Variants in EPHA4 observed in about 807,000 individuals in gnomAD.
The protein encoded by EPHA4 is EPH receptor A4.
EPHA4 carries 19 observed loss-of-function variants against 108.3 expected under a neutral mutation model. The observed-to-expected ratio is 0.18, with a 90% confidence interval of 0.12 to 0.26. The LOEUF is 0.26. Among genes scored for constraint, EPHA4 ranks in the 10% least tolerant of loss-of-function variants. The pLI is 1.00. For synonymous variants in EPHA4, 449 were observed against 455.5 expected (o/e 0.99, Z 0.18); for missense variants, 917 against 1,254.0 (o/e 0.73, Z 4.06).
intron 3 of EPHA4, among the ~76,000 whole-genome samples, chr2:221,516,592 T>G (rs1334213681): frequency 1.3e-5 from 2 of 152,162 alleles, no homozygotes; most frequent in Non-Finnish European, 2.9e-5. Context: ...TGACCTCAGG[T>G]GATCGGCCCG....
At chr2:221,546,874 T>C (rs1559288479) in intron 3 of EPHA4, among the ~76,000 whole-genome samples, 1 of 152,252 alleles carries the variant, frequency 6.6e-6, no homozygotes, top group African/African-American at 2.4e-5. Context: ...AAAATAATGC[T>C]GCCTCCTGTA....
chr2:221,527,105 C>T (rs759948551), intron 3 of EPHA4, among the ~76,000 whole-genome samples: 1 of 151,996 alleles, frequency 6.6e-6, no homozygotes, highest in African/African-American at 2.4e-5. Flanking sequence ...TCCTGGGCAA[C>T]AGAGTGAGAC....
rs567851622 is a variant in EPHA4 at position 221,540,806 on chromosome 2, A to G, written c.823+22925T>C. Among the ~76,000 whole-genome samples the G allele has an allele frequency of 9.9e-5, 15 of 152,260 alleles. No homozygotes were observed. In the South Asian group the frequency reaches 2.3e-3, roughly 23 times the overall value. On this transcript the variant is annotated intron_variant, in intron 3 of 17. Transcript: ENST00000281821. ...TTTATCTTTGACGGGAGAGCTGTAC[A>G]GGCTTGTCGAAACCTCACTGACATA...
At chr2:221,437,314 T>C in intron 11 of EPHA4, 192 bp from the exon 12 acceptor site, 1 of 494,402 alleles carries the variant, frequency 2.0e-6, no homozygotes, top group Non-Finnish European at 3.6e-6. Flanking sequence ...AGGTTTAAAT[T>C]CCATCTGGAT....
chr2:221,479,564 C>T (rs1197490709), intron 5 of EPHA4, among the ~76,000 whole-genome samples: 1 of 152,118 alleles, frequency 6.6e-6, no homozygotes, highest in Non-Finnish European at 1.5e-5. Flanking sequence ...ATGATAGGAG[C>T]AATTGCAATT....
Position 221,429,990 on chromosome 2 carries a change from G to A in EPHA4, c.2658C>T (p.Asn886=), listed in dbSNP as rs1002132191. The part of the protein sequence containing the change: ...NMLDKLIRNP[N]SLKRTGTESS... ...TCTCCGTCCCTGTCCTCTTCAAGCTGTTGGGGTTGCGGATGAGTTTGTCCA... is the reference window on the plus strand; with the variant it reads ...TCTCCGTCCCTGTCCTCTTCAAGCTATTGGGGTTGCGGATGAGTTTGTCCA... Residue 886 remains asparagine, a synonymous_variant, in exon 15 of 18, where the codon AAC becomes AAT. Coordinates refer to ENST00000281821, the MANE Select transcript of EPHA4 (RefSeq NM_004438.5). The A allele has an allele frequency of 6.2e-7, 1 of 1,613,938 alleles. No individual in the cohort carries two copies. The highest frequency in any genetic ancestry group is 8.5e-7 in the Non-Finnish European group (1 of 1,179,962).
chr2:221,540,091 T>A (rs963830090), intron 3 of EPHA4, among the ~76,000 whole-genome samples: 1 of 152,174 alleles, frequency 6.6e-6, no homozygotes, highest in Non-Finnish European at 1.5e-5. Flanking sequence ...AGCTATTTTT[T>A]GTATTTTTAC....
rs1181547759 is a variant in EPHA4, at chr2:221,425,902, TG to T, written c.*125del. On this transcript the variant is annotated 3_prime_UTR_variant, in exon 17 of 18. Transcript: ENST00000281821. ...GTGCACCAAGCAACGCTGCAGATAT[TG>T]TTTTTTTTTTTCATTTCTTTAATTT... is the stretch of plus-strand genomic sequence containing the variant. 4.9e-6 allele frequency: 4 copies of T among 808,454 alleles called. No homozygotes were observed. Among genetic ancestry groups the T allele is most frequent in the African/African-American group, 3.5e-5 (2 of 57,518 alleles). The allele number at this position is 808,454 out of a possible 1,614,324, so 50.1% of individuals were successfully genotyped here. A position where few individuals can be genotyped will look rare whatever the true frequency, so the allele number is the denominator to read the frequency against.
chr2:221,525,734 A>G (rs1174908325), intron 3 of EPHA4, among the ~76,000 whole-genome samples: 1 of 152,216 alleles, frequency 6.6e-6, no homozygotes, highest in African/African-American at 2.4e-5. Flanking sequence ...CCTCTCCAGG[A>G]AACAAAGTTG....
chr2:221,501,436 A>G (rs1692487190), intron 3 of EPHA4: 1 of 357,896 alleles, frequency 2.8e-6, no homozygotes, highest in African/African-American at 2.1e-5. Flanking sequence ...GGAAAAGCAC[A>G]GCAAAGTTTA....
chr2:221,466,761 G>A (rs1691325477), intron 5 of EPHA4, among the ~76,000 whole-genome samples: 1 of 152,098 alleles, frequency 6.6e-6, no homozygotes, highest in African/African-American at 2.4e-5. Flanking sequence ...AAGAAGATAA[G>A]GTACAGAGAG....
intron 2 of EPHA4, 33 bp from the exon 3 acceptor site, chr2:221,564,427 A>T: frequency 6.3e-7 from 1 of 1,577,000 alleles, no homozygotes; most frequent in Non-Finnish European, 8.6e-7. Flanking sequence ...TATCAACTAC[A>T]AAGTTTCATC....
At chr2:221,506,390 C>A (rs899027872) in intron 3 of EPHA4, among the ~76,000 whole-genome samples, 1 of 152,134 alleles carries the variant, frequency 6.6e-6, no homozygotes, top group African/African-American at 2.4e-5. Flanking sequence ...TATGTGCAAG[C>A]CCCAGCCATC....
intron 5 of EPHA4, among the ~76,000 whole-genome samples, chr2:221,461,385 T>A (rs980979536): frequency 3.3e-5 from 5 of 152,288 alleles, no homozygotes; most frequent in African/African-American, 4.8e-5. Flanking sequence ...AGAATTTTTT[T>A]AAAAAGATTG....
intron 4 of EPHA4, among the ~76,000 whole-genome samples, chr2:221,499,309 G>C (rs1222966075): frequency 1.3e-5 from 2 of 150,564 alleles, no homozygotes; most frequent in Non-Finnish European, 3.0e-5. Context: ...GTCCAAGGTA[G>C]GGTGTGATCT....
chr2:221,557,750 A>G (rs1278039055), intron 3 of EPHA4, among the ~76,000 whole-genome samples: 1 of 152,240 alleles, frequency 6.6e-6, no homozygotes. Context: ...CATTAGTCAC[A>G]TGCAAAGATT....
chr2:221,474,046 G>A (rs1015161718), intron 5 of EPHA4, among the ~76,000 whole-genome samples: 1 of 152,278 alleles, frequency 6.6e-6, no homozygotes, highest in East Asian at 1.9e-4. Context: ...TTTTCTTAGA[G>A]TGGAATATTC....
At chr2:221,500,139 C>T (rs1692446608) in intron 4 of EPHA4, among the ~76,000 whole-genome samples, 2 of 152,142 alleles carry the variant, frequency 1.3e-5, no homozygotes, top group Non-Finnish European at 2.9e-5. Flanking sequence ...TACCAACAAC[C>T]ATTAGGAGGC....
intron 17 of EPHA4, among the ~76,000 whole-genome samples, chr2:221,423,889 G>A (rs554560275): frequency 5.8e-4 from 88 of 152,194 alleles, no homozygotes; most frequent in Non-Finnish European, 1.1e-3. Context: ...GCTGAGGCAG[G>A]TGGACTGTCT....
Sources: gnomAD v4.1 joint callset for allele counts (sites outside exome capture counted in the v4.1 genomes callset) on GRCh38, gnomAD v4.1.1 for gene constraint, MANE v1.5 for transcripts, NCBI Gene and HGNC (gene_info 2026-07-23, HGNC 2026-07-21) for gene names.